KLHL29: variants seen among roughly 807,000 people sequenced by gnomAD.
KLHL29 encodes kelch-like protein 29.
In KLHL29, 21 loss-of-function variants were observed where a neutral mutation model predicts 80.4. That is an observed-to-expected ratio of 0.26 (90% CI 0.19 to 0.38). The LOEUF is 0.38. Among genes scored for constraint, KLHL29 ranks in the 10% least tolerant of loss-of-function variants. KLHL29 has a pLI of 1.00. For missense variants in KLHL29, 867 were observed against 1,223.9 expected (o/e 0.71, Z 4.35); for synonymous variants, 511 against 526.8 (o/e 0.97, Z 0.41).
chr2:23,599,337 T>C (rs1446229600), intron 3 of KLHL29, among the ~76,000 whole-genome samples: 1 of 152,020 alleles, frequency 6.6e-6, no homozygotes, highest in Non-Finnish European at 1.5e-5. Context: ...CAAGGAGCTC[T>C]CCAAATGAGG....
intron 1 of KLHL29, among the ~76,000 whole-genome samples, chr2:23,443,801 C>A (rs143119857): frequency 2.6e-5 from 4 of 152,194 alleles, no homozygotes; most frequent in African/African-American, 7.2e-5. Flanking sequence ...GAACATGAGG[C>A]GATGCCATTG....
intron 2 of KLHL29, among the ~76,000 whole-genome samples, chr2:23,545,187 A>C (rs1210964951): frequency 6.6e-6 from 1 of 152,178 alleles, no homozygotes; most frequent in African/African-American, 2.4e-5. Context: ...AGCATTTGTG[A>C]GTGAGAGACG....
chr2:23,627,600 A>C (rs887629844), intron 3 of KLHL29, among the ~76,000 whole-genome samples: 15 of 152,246 alleles, frequency 9.9e-5, no homozygotes, highest in African/African-American at 3.6e-4. Flanking sequence ...GCGTCTGAGG[A>C]GCCGCCTCCG....
intron 2 of KLHL29, among the ~76,000 whole-genome samples, chr2:23,536,844 A>G (rs1262188348): frequency 6.6e-6 from 1 of 151,952 alleles, no homozygotes; most frequent in Non-Finnish European, 1.5e-5. Context: ...ATTCTGAGAC[A>G]AACTTCTGGT....
intron 3 of KLHL29, among the ~76,000 whole-genome samples, chr2:23,564,166 G>A (rs1667528320): frequency 6.6e-6 from 1 of 152,270 alleles, no homozygotes; most frequent in Admixed American, 6.5e-5. Context: ...TGTAGGGATG[G>A]TGTTGGGCTG....
At chr2:23,628,590 T>A (rs1258654418) in intron 3 of KLHL29, among the ~76,000 whole-genome samples, 2 of 152,182 alleles carry the variant, frequency 1.3e-5, no homozygotes, top group African/African-American at 4.8e-5. Context: ...AGTTTGAGGC[T>A]GCACTGAGCT....
chr2:23,639,590 A>G (rs951344997), intron 4 of KLHL29, among the ~76,000 whole-genome samples: 11 of 152,228 alleles, frequency 7.2e-5, no homozygotes, highest in Admixed American at 2.0e-4. Flanking sequence ...CTGATTCATA[A>G]CAAATTTCTC....
At chr2:23,472,859 G>T (rs1490809598) in intron 1 of KLHL29, among the ~76,000 whole-genome samples, 3 of 152,122 alleles carry the variant, frequency 2.0e-5, no homozygotes, top group Non-Finnish European at 4.4e-5. Context: ...TGATTCCAGG[G>T]TCTTGCTTTT....
At chr2:23,472,246 A>G (rs1188985635) in intron 1 of KLHL29, among the ~76,000 whole-genome samples, 1 of 152,154 alleles carries the variant, frequency 6.6e-6, no homozygotes, top group Non-Finnish European at 1.5e-5. Flanking sequence ...CCTTTCAAGG[A>G]AAGAGTTTCT....
Position 23,693,300 on chromosome 2 carries a change from C to T in KLHL29, c.1314C>T (p.Gly438=), listed in dbSNP as rs1321964273. ...EKQLTASNCL[G]VLAMAEAMQC... ...AGCTGACGGCCAGCAACTGCCTGGG[C>T]GTGCTGGCCATGGCCGAGGCCATGC... The change falls in exon 8 of 14, where the codon GGC becomes GGT. Residue 438 remains glycine, a synonymous_variant. Coordinates refer to ENST00000486442, the MANE Select transcript of KLHL29 (RefSeq NM_052920.2). 53 of 1,545,612 alleles carry T rather than the reference C, an allele frequency of 3.4e-5. No homozygotes were observed. Among genetic ancestry groups the T allele is most frequent in the Admixed American group, 7.9e-5 (4 of 50,924 alleles).
intron 1 of KLHL29, among the ~76,000 whole-genome samples, chr2:23,430,792 C>T (rs755927053): frequency 5.9e-5 from 9 of 152,170 alleles, no homozygotes; most frequent in Non-Finnish European, 1.0e-4. Context: ...AGATAGTGAG[C>T]GGCCCTTGGG....
chr2:23,652,840 C>A (rs1670122514), intron 5 of KLHL29, among the ~76,000 whole-genome samples: 1 of 152,190 alleles, frequency 6.6e-6, no homozygotes, highest in Non-Finnish European at 1.5e-5. Context: ...TCTTTGGTGT[C>A]CCCACCTCCT....
chr2:23,488,858 A>C (rs1361169251), intron 2 of KLHL29, among the ~76,000 whole-genome samples: 1 of 152,212 alleles, frequency 6.6e-6, no homozygotes, highest in Non-Finnish European at 1.5e-5. Flanking sequence ...ATGCAAAGCC[A>C]TCTACCTCTT....
At position 23,700,855 on chromosome 2, in the gene KLHL29, C is replaced by T. The variant is rs564799222; in HGVS notation, c.2106-2331C>T. Among the ~76,000 whole-genome samples, 11 of 152,302 alleles carry T rather than the reference C, an allele frequency of 7.2e-5. No individual in the cohort carries two copies. In the Middle Eastern group the frequency reaches 0.01, roughly 141 times the overall value. On this transcript the variant is annotated intron_variant, in intron 11 of 13. Transcript: ENST00000486442. The surrounding 1 kb of genome is among the most constrained non-coding windows in gnomAD (Gnocchi z 4.6). ...CTTCAGGGGCACAGCCACTCACTCGCTGTTGGGACCTTGGCTGCCCTCTGA... is the reference window on the plus strand; with the variant it reads ...CTTCAGGGGCACAGCCACTCACTCGTTGTTGGGACCTTGGCTGCCCTCTGA...
At chr2:23,575,919 C>T (rs760582085) in intron 3 of KLHL29, among the ~76,000 whole-genome samples, 4 of 152,158 alleles carry the variant, frequency 2.6e-5, no homozygotes, top group South Asian at 2.1e-4. Context: ...ATGGGGAGCA[C>T]GTTTGTGGTC....
chr2:23,646,627 G>A (rs550149446), intron 5 of KLHL29, among the ~76,000 whole-genome samples: 6 of 152,276 alleles, frequency 3.9e-5, no homozygotes, highest in Non-Finnish European at 7.4e-5. Context: ...CTGGGAGGCC[G>A]TACTGGGAGA....
chr2:23,520,440 G>A (rs572306849), intron 2 of KLHL29, among the ~76,000 whole-genome samples: 4 of 152,312 alleles, frequency 2.6e-5, no homozygotes, highest in Admixed American at 1.3e-4. Context: ...CTTCCCAGCC[G>A]GGGTGATGGA....
intron 1 of KLHL29, among the ~76,000 whole-genome samples, chr2:23,408,234 C>G (rs1423341948): frequency 8.8e-6 from 1 of 113,046 alleles, no homozygotes; most frequent in Admixed American, 1.4e-4. Context: ...TCTTGTATAG[C>G]CCAGAGGAAA....
chr2:23,583,786 T>G (rs1432307481), intron 3 of KLHL29, among the ~76,000 whole-genome samples: 1 of 152,110 alleles, frequency 6.6e-6, no homozygotes, highest in Admixed American at 6.5e-5. Context: ...ATTCTTTAAA[T>G]CAAAAAACCA....
Sources: gnomAD v4.1 joint callset for allele counts (sites outside exome capture counted in the v4.1 genomes callset) on GRCh38, gnomAD v4.1.1 for gene constraint, Gnocchi (gnomAD v3.1) non-coding constraint, MANE v1.5 for transcripts, NCBI Gene and HGNC (gene_info 2026-07-23, HGNC 2026-07-21) for gene names.